GALNT2: variants seen among roughly 807,000 people sequenced by gnomAD.
The protein encoded by GALNT2 is polypeptide N-acetylgalactosaminyltransferase 2.
Under a neutral mutation model 81.4 loss-of-function variants are expected in GALNT2, and 31 were observed. The ratio of observed to expected loss-of-function variants is 0.38; its 90% CI spans 0.29 to 0.51. The LOEUF is 0.51. Ranked by LOEUF, GALNT2 falls within the 20% of genes least tolerant of loss-of-function variation. The probability of loss-of-function intolerance (pLI) is 0.87; values close to 1 mark genes in which losing one functional copy is unlikely to be tolerated. For synonymous variants in GALNT2, 303 were observed against 287.4 expected (o/e 1.05, Z -0.55); for missense variants, 629 against 765.7 (o/e 0.82, Z 2.11).
intron 3 of GALNT2, among the ~76,000 whole-genome samples, chr1:230,220,682 T>C (rs569291052): frequency 1.3e-5 from 2 of 152,160 alleles, no homozygotes; most frequent in Non-Finnish European, 2.9e-5. Context: ...AGGCATCCCC[T>C]GGAGGCCAGC....
At chr1:230,131,836 G>T (rs576834255) in intron 1 of GALNT2, among the ~76,000 whole-genome samples, 1 of 152,200 alleles carries the variant, frequency 6.6e-6, no homozygotes, top group Non-Finnish European at 1.5e-5. Context: ...CAGAATGTTG[G>T]CAAACTGACA....
intron 11 of GALNT2, chr1:230,258,853 C>T (rs1665795765): frequency 6.6e-6 from 1 of 152,212 alleles, no homozygotes; most frequent in African/African-American, 2.4e-5. Context: ...GCCATTGATA[C>T]CTACCAGCAA....
At chr1:230,269,538 C>G (rs1392557999) in intron 14 of GALNT2, among the ~76,000 whole-genome samples, 1 of 152,038 alleles carries the variant, frequency 6.6e-6, no homozygotes, top group Non-Finnish European at 1.5e-5. Context: ...CCCAGAGAGC[C>G]TGATCTAATT....
At chr1:230,115,866 C>G (rs1215571090) in intron 1 of GALNT2, among the ~76,000 whole-genome samples, 3 of 152,234 alleles carry the variant, frequency 2.0e-5, no homozygotes, top group African/African-American at 7.2e-5. Context: ...ACAGCATGTT[C>G]CCTAGGAATA....
chr1:230,265,827 A>G (rs1666022176), intron 14 of GALNT2, among the ~76,000 whole-genome samples: 2 of 152,260 alleles, frequency 1.3e-5, no homozygotes, highest in African/African-American at 4.8e-5. Context: ...GTTAGATAAT[A>G]GCTTAAGATA....
chr1:230,157,749 C>A (rs1662305665), intron 1 of GALNT2, among the ~76,000 whole-genome samples: 1 of 152,158 alleles, frequency 6.6e-6, no homozygotes, highest in Non-Finnish European at 1.5e-5. Context: ...ATACTGTATA[C>A]TTCTATTCAT....
chr1:230,197,667 G>T (rs550427306), intron 2 of GALNT2, among the ~76,000 whole-genome samples: 1 of 152,298 alleles, frequency 6.6e-6, no homozygotes, highest in South Asian at 2.1e-4. Context: ...CCCAGAAGTG[G>T]AATATTATTT....
chr1:230,263,108 ATTGGGCAC>A (rs1558167898), intron 13 of GALNT2, 103 bp downstream of exon 13: 1 of 927,602 alleles, frequency 1.1e-6, no homozygotes, highest in Non-Finnish European at 1.7e-6. Flanking sequence ...CAGGCATGAG[ATTGGGCAC>A]CTGGGCCCCA....
At position 230,078,278 on chromosome 1, in the gene GALNT2, T is replaced by TG. The variant is rs149886347; in HGVS notation, c.126+10880dup. ...AACTGTGGATACAATGTGTCGTATT[T>TG]GGGGGGGGATCATGGAAGAAGCCAG... On this transcript the variant is annotated intron_variant, in intron 1 of 15. Coordinates refer to ENST00000366672, the MANE Select transcript of GALNT2 (RefSeq NM_004481.5). 6.5e-3 allele frequency among the ~76,000 whole-genome samples: 984 copies of TG among 152,018 alleles called. 6 individuals are homozygous for TG. The highest frequency in any genetic ancestry group is 0.027 in the East Asian group (139 of 5,190).
At chr1:230,255,519 C>A (rs990357789) in intron 11 of GALNT2, 175 bp downstream of exon 11, 19 of 819,954 alleles carry the variant, frequency 2.3e-5, no homozygotes, top group Non-Finnish European at 3.4e-5. Context: ...ACAACCTGGG[C>A]GCCTTTCCAG....
At chr1:230,102,641 T>C (rs1660434635) in intron 1 of GALNT2, among the ~76,000 whole-genome samples, 1 of 152,128 alleles carries the variant, frequency 6.6e-6, no homozygotes, top group Non-Finnish European at 1.5e-5. Flanking sequence ...CCCAGGCTTA[T>C]TGTAAAAACA....
At chr1:230,247,198 A>G (rs2102745398) in intron 8 of GALNT2, among the ~76,000 whole-genome samples, 1 of 152,220 alleles carries the variant, frequency 6.6e-6, no homozygotes, top group South Asian at 2.1e-4. Context: ...ACCCTGGGAG[A>G]CAGAGTGAGA....
chr1:230,154,560 TTATAGA>T (rs1198336340), intron 1 of GALNT2, among the ~76,000 whole-genome samples: 2 of 152,176 alleles, frequency 1.3e-5, no homozygotes, highest in Non-Finnish European at 2.9e-5. Flanking sequence ...GATAAGATCT[TTATAGA>T]TATAATCAAA....
At chr1:230,074,238 A>G (rs1197924271) in intron 1 of GALNT2, among the ~76,000 whole-genome samples, 1 of 152,088 alleles carries the variant, frequency 6.6e-6, no homozygotes, top group Non-Finnish European at 1.5e-5. Context: ...GACTATAGGC[A>G]TGTGTCACCA....
chr1:230,101,913 A>G (rs1019807633), intron 1 of GALNT2, among the ~76,000 whole-genome samples: 2 of 152,180 alleles, frequency 1.3e-5, no homozygotes, highest in African/African-American at 2.4e-5. Flanking sequence ...CTTATCTTCT[A>G]TTCTGTCCCT....
At chr1:230,126,871 C>T (rs777859628) in intron 1 of GALNT2, among the ~76,000 whole-genome samples, 6 of 152,104 alleles carry the variant, frequency 3.9e-5, no homozygotes, top group Admixed American at 1.3e-4. Flanking sequence ...GTGGCCAGGA[C>T]GATAGTCCCC....
chr1:230,185,297 T>C lies in GALNT2; in HGVS notation c.220+6986T>C, dbSNP rs1285603766. 2.9e-4 allele frequency among the ~76,000 whole-genome samples: 31 copies of C among 108,668 alleles called. No individual in the cohort carries two copies. The South Asian group carries it at 5.0e-3, about 18-fold the overall frequency. The allele number at this position is 108,668 out of a possible 152,430, so 71.3% of individuals were successfully genotyped here. On this transcript the variant is annotated intron_variant, in intron 2 of 15. Coordinates refer to ENST00000366672, the MANE Select transcript of GALNT2 (RefSeq NM_004481.5). ...GCGTGTGTGTGTGTGTGTGTGTGTG[T>C]GTGTGCGCGCGTGTGTGTGTGTGTT...
chr1:230,272,024 G>A (rs1666172785), intron 14 of GALNT2, among the ~76,000 whole-genome samples: 1 of 152,214 alleles, frequency 6.6e-6, no homozygotes, highest in Admixed American at 6.5e-5. Context: ...TTCCAAGGGA[G>A]TAGGAGCTGT....
At chr1:230,067,919 C>CT (rs1659249167) in intron 1 of GALNT2, among the ~76,000 whole-genome samples, 1 of 152,206 alleles carries the variant, frequency 6.6e-6, no homozygotes, top group Admixed American at 6.5e-5. Flanking sequence ...CTGCCACCTT[C>CT]TTTGCCCTTT....
Sources: allele counts gnomAD v4.1 joint callset (sites outside exome capture counted in the v4.1 genomes callset), GRCh38; gene constraint gnomAD v4.1.1; transcripts MANE v1.5; gene names NCBI Gene and HGNC (gene_info 2026-07-23, HGNC 2026-07-21).